Variants in CUL1 observed in about 807,000 individuals in gnomAD.
CUL1 encodes the protein cullin-1.
A neutral mutation model predicts 118.0 loss-of-function variants in CUL1; 24 were observed. That is an observed-to-expected ratio of 0.20 (90% confidence interval 0.15 to 0.29). The LOEUF (loss-of-function observed/expected upper bound fraction) is 0.29, where lower values mean the gene tolerates loss of function less well. CUL1 is among the 10% of genes least tolerant of loss of function. The pLI, the probability that CUL1 is intolerant of heterozygous loss-of-function variation, is 1.00. For missense variants in CUL1, 361 were observed against 933.8 expected (o/e 0.39, Z 7.99); for synonymous variants, 332 against 340.4 (o/e 0.98, Z 0.27).
intron 1 of CUL1, among the ~76,000 whole-genome samples, chr7:148,715,723 G>A (rs753038020): frequency 1.3e-5 from 2 of 151,898 alleles, no homozygotes; most frequent in Non-Finnish European, 2.9e-5. Flanking sequence ...ATTTCTACAG[G>A]TGTGATTTCC....
At chr7:148,729,938 T>C in intron 1 of CUL1, 24 bp from the exon 2 acceptor site, 1 of 670,888 alleles carries the variant, frequency 1.5e-6, no homozygotes, top group South Asian at 2.2e-5. Context: ...GACAATCCAC[T>C]GATTCTCTTT....
At chr7:148,710,532 A>G (rs1798017216) in intron 1 of CUL1, among the ~76,000 whole-genome samples, 1 of 152,208 alleles carries the variant, frequency 6.6e-6, no homozygotes, top group Non-Finnish European at 1.5e-5. Context: ...TCACGCCACT[A>G]CATTCCAGCC....
chr7:148,735,440 G>A (rs1021362552), intron 2 of CUL1, among the ~76,000 whole-genome samples: 1 of 152,212 alleles, frequency 6.6e-6, no homozygotes, highest in Non-Finnish European at 1.5e-5. Context: ...GCACTGCAGG[G>A]GAGTGCTCAG....
chr7:148,799,191 G>C, intron 20 of CUL1, 84 bp from the exon 21 acceptor site: 1 of 1,003,410 alleles, frequency 1.0e-6, no homozygotes, highest in Middle Eastern at 3.0e-4. Flanking sequence ...GGCGTCGGCA[G>C]CCTCTGTGCA....
chr7:148,796,794 C>T (rs1469162281), intron 17 of CUL1, among the ~76,000 whole-genome samples: 1 of 152,174 alleles, frequency 6.6e-6, no homozygotes, highest in Non-Finnish European at 1.5e-5. Flanking sequence ...CCAATCAGAC[C>T]TGGCTCAGGA....
At chr7:148,734,421 T>A (rs2129459732) in intron 2 of CUL1, among the ~76,000 whole-genome samples, 1 of 152,314 alleles carries the variant, frequency 6.6e-6, no homozygotes, top group Middle Eastern at 3.4e-3. Context: ...TTTTTGTATT[T>A]TTTGTAGATA....
At chr7:148,751,741 A>G (rs1038797221) in intron 2 of CUL1, among the ~76,000 whole-genome samples, 3 of 152,186 alleles carry the variant, frequency 2.0e-5, no homozygotes, top group Non-Finnish European at 4.4e-5. Context: ...TACACAGTAT[A>G]TTACAGCTGC....
At chr7:148,701,162 G>T (rs1335976579) in intron 1 of CUL1, among the ~76,000 whole-genome samples, 2 of 146,464 alleles carry the variant, frequency 1.4e-5, no homozygotes, top group African/African-American at 4.9e-5. Flanking sequence ...TAATGAATGA[G>T]TTTTCTGGAA....
intron 1 of CUL1, among the ~76,000 whole-genome samples, chr7:148,710,870 G>T (rs1300913273): frequency 6.6e-6 from 1 of 152,028 alleles, no homozygotes; most frequent in African/African-American, 2.4e-5. Flanking sequence ...GTTTCACCAT[G>T]TTGGTCAGGC....
intron 1 of CUL1, among the ~76,000 whole-genome samples, chr7:148,724,948 C>G (rs1421272477): frequency 6.6e-6 from 1 of 152,054 alleles, no homozygotes; most frequent in Non-Finnish European, 1.5e-5. Context: ...TACCCCTTAC[C>G]TAAAAACCAT....
intron 1 of CUL1, among the ~76,000 whole-genome samples, chr7:148,704,984 G>T (rs555515817): frequency 1.3e-5 from 2 of 152,320 alleles, no homozygotes; most frequent in South Asian, 4.2e-4. Context: ...CGTACTGGCA[G>T]CCCCTTTCCA....
At chr7:148,727,135 A>G (rs1200295656) in intron 1 of CUL1, among the ~76,000 whole-genome samples, 1 of 152,250 alleles carries the variant, frequency 6.6e-6, no homozygotes, top group African/African-American at 2.4e-5. Flanking sequence ...GTAGCATCCT[A>G]CTAAATATTC....
chr7:148,765,092 A>G (rs1799963913), intron 7 of CUL1, among the ~76,000 whole-genome samples: 1 of 152,130 alleles, frequency 6.6e-6, no homozygotes, highest in Non-Finnish European at 1.5e-5. Flanking sequence ...ATCATTATGT[A>G]TTAAGAATAT....
chr7:148,700,644 A>G (rs1238686754), intron 1 of CUL1, among the ~76,000 whole-genome samples: 2 of 152,180 alleles, frequency 1.3e-5, no homozygotes, highest in Non-Finnish European at 2.9e-5. Flanking sequence ...CAAACACAAG[A>G]CTGGCTCGCT....
chr7:148,739,817 T>C (rs1799083873), intron 2 of CUL1, among the ~76,000 whole-genome samples: 1 of 152,190 alleles, frequency 6.6e-6, no homozygotes, highest in Non-Finnish European at 1.5e-5. Flanking sequence ...TCAAATATAT[T>C]TTGTGTTTTC....
chr7:148,762,629 C>T (rs1401518973), intron 7 of CUL1, among the ~76,000 whole-genome samples: 1 of 152,220 alleles, frequency 6.6e-6, no homozygotes, highest in Admixed American at 6.5e-5. Context: ...TTATGAAACT[C>T]TGCTGTATAT....
chr7:148,709,119 C>G (rs1275180180), intron 1 of CUL1, among the ~76,000 whole-genome samples: 1 of 152,182 alleles, frequency 6.6e-6, no homozygotes, highest in Admixed American at 6.5e-5. Flanking sequence ...TTCTAAAAAG[C>G]ATTCTGACGC....
intron 3 of CUL1, among the ~76,000 whole-genome samples, chr7:148,755,295 T>C (rs1035227809): frequency 2.6e-5 from 4 of 152,210 alleles, no homozygotes; most frequent in African/African-American, 9.6e-5. Context: ...CATCTGGTTC[T>C]ACACTGTCAA....
At chr7:148,714,926 CT>C (rs1798166200) in intron 1 of CUL1, among the ~76,000 whole-genome samples, 3 of 152,118 alleles carry the variant, frequency 2.0e-5, no homozygotes, top group Non-Finnish European at 1.5e-5. Flanking sequence ...TGCCCTGTCC[CT>C]CAGGATGGAA....
Sources: allele counts gnomAD v4.1 joint callset (sites outside exome capture counted in the v4.1 genomes callset), GRCh38; gene constraint gnomAD v4.1.1; transcripts MANE v1.5; gene names NCBI Gene and HGNC (gene_info 2026-07-23, HGNC 2026-07-21).